The following CAT variants were observed in gnomAD, a reference collection of about 807,000 sequenced individuals.
The protein encoded by CAT is catalase, also known as epididymis secretory sperm binding protein.
Under a neutral mutation model 59.0 loss-of-function variants are expected in CAT, and 43 were observed. The observed-to-expected ratio is 0.73, with a 90% CI of 0.57 to 0.94. The LOEUF (loss-of-function observed/expected upper bound fraction) is 0.94, where lower values mean the gene tolerates loss of function less well. CAT is among the 40% of genes least tolerant of loss of function. The pLI is 0.00. For missense variants in CAT, 664 were observed against 682.9 expected (o/e 0.97, Z 0.31); for synonymous variants, 218 against 230.9 (o/e 0.94, Z 0.51).
chr11:34,456,570 TG>T, intron 7 of CAT, 94 bp from the exon 8 acceptor site: 1 of 1,174,844 alleles, frequency 8.5e-7, no homozygotes, highest in Non-Finnish European at 1.3e-6. Flanking sequence ...TTATTTTCAT[TG>T]GCTTGATTGT....
chr11:34,453,755 T>G (rs1473616261), intron 5 of CAT, 46 bp from the exon 6 acceptor site: 1 of 1,579,704 alleles, frequency 6.3e-7, no homozygotes, highest in African/African-American at 1.3e-5. Flanking sequence ...CAAGGATGTT[T>G]TGATTTAAAT....
At chr11:34,443,853 G>A (rs1305118019) in intron 1 of CAT, among the ~76,000 whole-genome samples, 1 of 152,148 alleles carries the variant, frequency 6.6e-6, no homozygotes, top group Non-Finnish European at 1.5e-5. Flanking sequence ...CATTTGGGAT[G>A]GAGAAGGGGT....
At chr11:34,458,804 A>C (rs149207523) in intron 8 of CAT, among the ~76,000 whole-genome samples, 1 of 152,318 alleles carries the variant, frequency 6.6e-6, no homozygotes, top group Non-Finnish European at 1.5e-5. Flanking sequence ...TTGAATGGAG[A>C]ACTAGGCCCC....
intron 1 of CAT, among the ~76,000 whole-genome samples, chr11:34,446,638 AC>A (rs1227968757): frequency 6.6e-6 from 1 of 152,108 alleles, no homozygotes; most frequent in Non-Finnish European, 1.5e-5. Context: ...CTCCCTCCCC[AC>A]GTTAAGAATG....
Position 34,471,404 on chromosome 11 carries a change from T to C in CAT, c.1555T>C (p.Leu519=), listed in dbSNP as rs559641444. Residue 519 remains leucine, a synonymous_variant, in exon 13 of 13, where the codon TTG becomes CTG. Coordinates refer to ENST00000241052, the MANE Select transcript of CAT (RefSeq NM_001752.4). Reference sequence around the variant, plus strand: ...CACCTTTGTGCAGTCCGGATCTCACTTGGCGGCAAGGGAGAAGGCAAATCT... The same window carrying C: ...CACCTTTGTGCAGTCCGGATCTCACCTGGCGGCAAGGGAGAAGGCAAATCT... ...IHTFVQSGSH[L]AAREKANL 2.9e-4 allele frequency: 466 copies of C among 1,613,996 alleles called. 7 individuals are homozygous for C. The South Asian group carries it at 5.0e-3, about 17-fold the overall frequency.
chr11:34,441,974 T>G (rs1299858073), intron 1 of CAT, among the ~76,000 whole-genome samples: 3 of 152,200 alleles, frequency 2.0e-5, no homozygotes, highest in East Asian at 1.9e-4. Flanking sequence ...TTATACTTCA[T>G]CAGCAGTGTA....
At chr11:34,452,980 T>G (rs915317144) in intron 4 of CAT, 110 bp from the exon 5 acceptor site, 1 of 747,896 alleles carries the variant, frequency 1.3e-6, no homozygotes, top group Non-Finnish European at 2.4e-6. Flanking sequence ...ATTCTAGGAT[T>G]GTATTTAGAA....
chr11:34,465,937 A>C (rs1856710196), intron 10 of CAT, among the ~76,000 whole-genome samples: 1 of 152,242 alleles, frequency 6.6e-6, no homozygotes, highest in Non-Finnish European at 1.5e-5. Context: ...AAGTGCAGTG[A>C]AGTAAGCTTG....
chr11:34,465,688 G>A (rs1856706886), intron 10 of CAT, among the ~76,000 whole-genome samples: 2 of 152,182 alleles, frequency 1.3e-5, no homozygotes, highest in Admixed American at 1.3e-4. Context: ...ATAATTCTGT[G>A]ATGATGTATC....
chr11:34,464,329 C>A, intron 10 of CAT, 94 bp downstream of exon 10: 1 of 1,219,248 alleles, frequency 8.2e-7, no homozygotes, highest in Non-Finnish European at 1.2e-6. Flanking sequence ...CCCCAACTGT[C>A]TGATGTATCT....
At chr11:34,446,036 C>CATTA (rs2133178876) in intron 1 of CAT, among the ~76,000 whole-genome samples, 1 of 152,280 alleles carries the variant, frequency 6.6e-6, no homozygotes, top group East Asian at 1.9e-4. Context: ...ATCTTCATTG[C>CATTA]ATTAATTATT....
intron 9 of CAT, among the ~76,000 whole-genome samples, chr11:34,461,814 G>C (rs1401086704): frequency 2.0e-5 from 3 of 152,158 alleles, no homozygotes; most frequent in African/African-American, 7.2e-5. Context: ...GGAGTCTTCT[G>C]TTTCTCTTTG....
In CAT at chr11:34,464,160, TG is replaced by T; in HGVS notation, c.1252del (p.Ala418ProfsTer31). 6.2e-7 allele frequency: 1 copy of T among 1,614,172 alleles called. No individual in the cohort carries two copies. The highest frequency in any genetic ancestry group is 8.5e-7 in the Non-Finnish European group (1 of 1,179,982). ...TTGGTGCTCCGGAACAACAGCCTTC[TG>T]CCCTGGAGCACAGCATCCAATATTC... ...SFGAPEQQPS[A>X]LEHSIQYSGE... On this transcript the variant is annotated frameshift_variant, in exon 10 of 13. Coordinates refer to ENST00000241052, the MANE Select transcript of CAT (RefSeq NM_001752.4). LOFTEE classifies it high-confidence loss of function.
In CAT at chr11:34,442,574, C is replaced by T. The variant is rs559309634; in HGVS notation, c.66+3495C>T. 3.3e-5 allele frequency among the ~76,000 whole-genome samples: 5 copies of T among 152,218 alleles called. No homozygotes were observed. In the East Asian group the frequency reaches 9.6e-4, roughly 29 times the overall value. The stretch of plus-strand genomic sequence containing the variant: ...CGAGATCCTGCCATTGCACTCCAGC[C>T]TGGGCAACAAGAGTGAAACTCCATC... On this transcript the variant is annotated intron_variant, in intron 1 of 12. Transcript: ENST00000241052.
intron 11 of CAT, among the ~76,000 whole-genome samples, chr11:34,469,027 AATGCTTCCAAAAGGCAGGCTAGACTTTC>A (rs1333124164): frequency 6.6e-6 from 1 of 152,258 alleles, no homozygotes; most frequent in Non-Finnish European, 1.5e-5. Context: ...TAAGAACTGC[AATGCTTCCAAAAGGCAGGCTAGACTTTC>A]ATGCTAAGGT....
chr11:34,460,828 T>C, intron 8 of CAT: 1 of 258,670 alleles, frequency 3.9e-6, no homozygotes, highest in African/African-American at 2.2e-5. Flanking sequence ...AAAGAGCAAA[T>C]GATTGGTTCC....
At chr11:34,465,728 T>A (rs1403088088) in intron 10 of CAT, among the ~76,000 whole-genome samples, 1 of 152,174 alleles carries the variant, frequency 6.6e-6, no homozygotes, top group East Asian at 1.9e-4. Flanking sequence ...AGGTCCAGAT[T>A]TATTCTCTTA....
At chr11:34,466,804 A>AAAG (rs1554938652) in intron 10 of CAT, among the ~76,000 whole-genome samples, 6 of 147,830 alleles carry the variant, frequency 4.1e-5, no homozygotes, top group African/African-American at 1.5e-4. Flanking sequence ...AAAAAAAAAA[A>AAAG]GAAAATAGAT....
Position 34,453,137 on chromosome 11 carries a change from G to C in CAT, c.528G>C (p.Leu176=), listed in dbSNP as rs1319149904. ...HSQKRNPQTH[L]KDPDMVWDFW... Reference sequence around the variant, plus strand: ...AAAAGAGAAATCCTCAGACACATCTGAAGGATCCGGACATGGTCTGGGACT... The same window carrying C: ...AAAAGAGAAATCCTCAGACACATCTCAAGGATCCGGACATGGTCTGGGACT... The change falls in exon 5 of 13, where the codon CTG becomes CTC. Residue 176 remains leucine (L), a synonymous_variant. Coordinates refer to ENST00000241052, the MANE Select transcript of CAT (RefSeq NM_001752.4). 1.9e-6 allele frequency: 3 copies of C among 1,613,432 alleles called. No individual in the cohort carries two copies. Among genetic ancestry groups the C allele is most frequent in the Non-Finnish European group, 2.5e-6 (3 of 1,179,568 alleles).
Sources: gnomAD v4.1 joint callset for allele counts (sites outside exome capture counted in the v4.1 genomes callset) on GRCh38, gnomAD v4.1.1 for gene constraint, MANE v1.5 for transcripts, NCBI Gene and HGNC (gene_info 2026-07-23, HGNC 2026-07-21) for gene names.